Variants in COL4A4 observed in about 807,000 individuals in gnomAD.
The protein encoded by COL4A4 is collagen type IV alpha 4 chain.
Under a neutral mutation model 192.9 loss-of-function variants are expected in COL4A4, and 105 were observed. The ratio of observed to expected loss-of-function variants is 0.54; its 90% CI spans 0.46 to 0.64. The LOEUF (loss-of-function observed/expected upper bound fraction) is 0.64, where lower values mean the gene tolerates loss of function less well. Among genes scored for constraint, COL4A4 ranks in the 30% least tolerant of loss-of-function variants. The pLI is 0.00. For synonymous variants in COL4A4, 762 were observed against 769.9 expected (o/e 0.99, Z 0.17); for missense variants, 1,967 against 2,169.3 (o/e 0.91, Z 1.85).
At position 227,098,698 on chromosome 2, in the gene COL4A4, A is replaced by C. The variant is rs2060339942; in HGVS notation, c.1200T>G (p.Cys400Trp). 1 of 1,613,676 alleles carries C rather than the reference A, an allele frequency of 6.2e-7. No individual in the cohort carries two copies. Among genetic ancestry groups the C allele is most frequent in the Non-Finnish European group, 8.5e-7 (1 of 1,179,608 alleles). ...PGLLGRPGEA[C>W]AGMIGPPGPQ... The stretch of plus-strand genomic sequence containing the variant: ...GGCACATCAGGGCATCCGTACCTGC[A>C]CAGGCTTCCCCTGGTCTGCCCAAGA... Residue 400 changes from cysteine (C) to tryptophan (W), a missense_variant, in exon 19 of 48, where the codon TGT becomes TGG. Transcript: ENST00000396625.
At chr2:227,129,432 C>A (rs746630170) in intron 4 of COL4A4, among the ~76,000 whole-genome samples, 37 of 140,610 alleles carry the variant, frequency 2.6e-4, no homozygotes, top group Admixed American at 3.6e-4. Flanking sequence ...TTTTTTGAGA[C>A]AGAGTCTCAC....
At position 227,046,093 on chromosome 2, in the gene COL4A4, A is replaced by G. The variant is rs551409456; in HGVS notation, c.3289+1382T>C. ...CATATATATATTTAGATATATATGT[A>G]CATATATATATATCTAAATATATTT... On this transcript the variant is annotated intron_variant, in intron 35 of 47. Transcript: ENST00000396625. 1.1e-3 allele frequency among the ~76,000 whole-genome samples: 77 copies of G among 71,486 alleles called. 1 individual carries two copies. The highest frequency in any genetic ancestry group is 4.8e-3 in the African/African-American group (76 of 15,780). The allele number at this position is 71,486 out of a possible 152,430, so 46.9% of individuals were successfully genotyped here.
chr2:227,104,831 G>A (rs1576538696), intron 12 of COL4A4, among the ~76,000 whole-genome samples: 1 of 151,242 alleles, frequency 6.6e-6, no homozygotes, highest in East Asian at 2.0e-4. Context: ...GTAGAGACGG[G>A]GGTTTCTCCA....
chr2:227,059,977 T>C (rs1419000204), intron 27 of COL4A4, among the ~76,000 whole-genome samples, 159 bp downstream of exon 27: 1 of 151,932 alleles, frequency 6.6e-6, no homozygotes, highest in East Asian at 1.9e-4. Context: ...GTTATCACAA[T>C]ATAGCTAAGG....
At chr2:227,051,681 T>G (rs1217334806) in intron 32 of COL4A4, among the ~76,000 whole-genome samples, 2 of 152,244 alleles carry the variant, frequency 1.3e-5, no homozygotes, top group Non-Finnish European at 2.9e-5. Context: ...TAATGTGCTC[T>G]GAAGTTTGAG....
At position 227,094,225 on chromosome 2, in the gene COL4A4, A is replaced by C; in HGVS notation, c.1269T>G (p.Gly423=). The change falls in exon 20 of 48, where the codon GGT becomes GGG. Residue 423 remains glycine (G), a synonymous_variant. Transcript: ENST00000396625. ...PGLPGLPGEA[G]IPGRPDSAPG... ...GAGCAGAATCAGGTCTCCCAGGAATACCAGCTTCTCCTGGAAGCCCAGGAA... is the reference window on the plus strand; with the variant it reads ...GAGCAGAATCAGGTCTCCCAGGAATCCCAGCTTCTCCTGGAAGCCCAGGAA... 1.9e-6 allele frequency: 3 copies of C among 1,613,846 alleles called. No homozygotes were observed. Among genetic ancestry groups the C allele is most frequent in the Non-Finnish European group, 2.5e-6 (3 of 1,179,930 alleles).
chr2:227,050,189 C>G, intron 33 of COL4A4, 58 bp from the exon 34 acceptor site: 1 of 1,441,616 alleles, frequency 6.9e-7, no homozygotes. Flanking sequence ...ATGGCACATG[C>G]ACAACACGAT....
chr2:227,027,449 G>A (rs1403597710), intron 42 of COL4A4, among the ~76,000 whole-genome samples: 4 of 149,150 alleles, frequency 2.7e-5, no homozygotes, highest in African/African-American at 7.5e-5. Flanking sequence ...GACACAAGAA[G>A]GGGAACATCA....
chr2:227,027,486 AG>A (rs1223221904), intron 42 of COL4A4, among the ~76,000 whole-genome samples: 1 of 121,798 alleles, frequency 8.2e-6, no homozygotes, highest in Non-Finnish European at 1.7e-5. Flanking sequence ...GTGGAGTGGG[AG>A]GAGGGGGGAG....
At chr2:227,154,768 T>A (rs942255086) in intron 1 of COL4A4, among the ~76,000 whole-genome samples, 1 of 152,206 alleles carries the variant, frequency 6.6e-6, no homozygotes, top group African/African-American at 2.4e-5. Context: ...CATGAAAGTG[T>A]TCCCAGAAAA....
At chr2:226,997,152 C>T in the COL4A4 span, 2 of 152,108 alleles carry the variant, frequency 1.3e-5, no homozygotes, top group African/African-American at 4.8e-5. Flanking sequence ...CCTGGCTGGC[C>T]CAGTAATATC....
intron 30 of COL4A4, among the ~76,000 whole-genome samples, chr2:227,055,227 G>A (rs890406008): frequency 6.6e-6 from 1 of 152,092 alleles, no homozygotes. Context: ...CTTAGTAGCT[G>A]GGCTCAGTTG....
intron 43 of COL4A4, among the ~76,000 whole-genome samples, chr2:227,023,886 G>T (rs1182757715): frequency 2.6e-5 from 4 of 151,986 alleles, no homozygotes; most frequent in African/African-American, 4.8e-5. Flanking sequence ...GTGGTGCACA[G>T]TCCCAGCTAC....
chr2:227,019,657 C>G (rs1170587850), intron 44 of COL4A4, among the ~76,000 whole-genome samples: 2 of 152,162 alleles, frequency 1.3e-5, no homozygotes, highest in African/African-American at 4.8e-5. Context: ...CCTTGACTTG[C>G]AACTCTTTGT....
chr2:227,106,020 T>C (rs2060817565), intron 12 of COL4A4, among the ~76,000 whole-genome samples: 1 of 150,004 alleles, frequency 6.7e-6, no homozygotes, highest in Non-Finnish European at 1.5e-5. Context: ...ATAGGTGGAA[T>C]TTTTAGAAGA....
Position 227,098,764 on chromosome 2 carries a change from AT to A in COL4A4, c.1133del (p.Tyr378LeufsTer26). 1 of 1,614,064 alleles carries A rather than the reference AT, an allele frequency of 6.2e-7. No homozygotes were observed. The highest frequency in any genetic ancestry group is 1.3e-5 in the African/African-American group (1 of 75,046). On this transcript the variant is annotated frameshift_variant, in exon 19 of 48. Transcript: ENST00000396625. LOFTEE classifies it high-confidence loss of function. ...PPGDPGFPGR[Y>X]GETGDVGPPG... ...GTGGTCCAACATCCCCTGTTTCTCC[AT>A]AGCGGCCAGGGAACCCTGGGTCCCC...
At chr2:227,013,332 G>A (rs1964208322) in intron 44 of COL4A4, among the ~76,000 whole-genome samples, 1 of 151,936 alleles carries the variant, frequency 6.6e-6, no homozygotes, top group Admixed American at 6.6e-5. Context: ...GCTGATTTGT[G>A]TACCCCCAAA....
At chr2:227,088,907 A>C in intron 21 of COL4A4, 91 bp from the exon 22 acceptor site, 1 of 1,452,686 alleles carries the variant, frequency 6.9e-7, no homozygotes, top group South Asian at 1.1e-5. Flanking sequence ...GCATAAATGA[A>C]GAACAAAGAG....
At chr2:227,101,370 A>T (rs1202025903) in intron 17 of COL4A4, 134 bp downstream of exon 17, 2 of 748,362 alleles carry the variant, frequency 2.7e-6, no homozygotes, top group Non-Finnish European at 4.4e-6. Context: ...GTAACAATTG[A>T]ATAAAAAATT....
Sources: gnomAD v4.1 joint callset for allele counts (sites outside exome capture counted in the v4.1 genomes callset) on GRCh38, gnomAD v4.1.1 for gene constraint, MANE v1.5 for transcripts, NCBI Gene and HGNC (gene_info 2026-07-23, HGNC 2026-07-21) for gene names.